The following CHD7 variants were observed in gnomAD, a reference collection of about 807,000 sequenced individuals.
CHD7 encodes the protein chromodomain helicase DNA binding protein 7, also known as ATP-dependent chromatin remodeler CHD7.
Under a neutral mutation model 307.3 loss-of-function variants are expected in CHD7, and 24 were observed. That is an observed-to-expected ratio of 0.08 (90% CI 0.06 to 0.11). The LOEUF is 0.11. Ranked by LOEUF, CHD7 falls within the 10% of genes least tolerant of loss-of-function variation. The probability of loss-of-function intolerance (pLI) is 1.00; values close to 1 mark genes in which losing one functional copy is unlikely to be tolerated. For synonymous variants in CHD7, 1,363 were observed against 1,349.9 expected (o/e 1.01, Z -0.21); for missense variants, 3,106 against 3,727.1 (o/e 0.83, Z 4.34).
chr8:60,728,595 G>T (rs998521186), intron 1 of CHD7, among the ~76,000 whole-genome samples: 3 of 152,078 alleles, frequency 2.0e-5, no homozygotes, highest in Non-Finnish European at 4.4e-5. Flanking sequence ...GCGCGATCTC[G>T]GCTCACTGCA....
intron 1 of CHD7, among the ~76,000 whole-genome samples, chr8:60,691,932 T>G (rs1370659650): frequency 1.3e-5 from 2 of 152,216 alleles, no homozygotes; most frequent in South Asian, 2.1e-4. Context: ...AGGGTGCTTG[T>G]TAAAAATGCA....
In CHD7 at chr8:60,702,326, A is replaced by G. The variant is rs951811877; in HGVS notation, c.-175+23244A>G. ...GGGTATATAATCTGGAAAATATAGG[A>G]TATTCTTATTTTAGATGTTCTTTCT... is the stretch of plus-strand genomic sequence containing the variant. On this transcript the variant is annotated intron_variant, in intron 1 of 37. Transcript: ENST00000423902. Among the ~76,000 whole-genome samples, 4 of 152,208 alleles carry G rather than the reference A, an allele frequency of 2.6e-5. No individual in the cohort carries two copies. In the East Asian group the frequency reaches 5.8e-4, roughly 22 times the overall value.
chr8:60,821,366 A>G (rs1804023745), intron 9 of CHD7, among the ~76,000 whole-genome samples: 1 of 152,256 alleles, frequency 6.6e-6, no homozygotes, highest in Middle Eastern at 3.4e-3. Flanking sequence ...GATAATGCCC[A>G]ATAATACTGT....
chr8:60,686,482 A>G (rs1447548029), intron 1 of CHD7, among the ~76,000 whole-genome samples: 2 of 152,076 alleles, frequency 1.3e-5, no homozygotes, highest in Non-Finnish European at 2.9e-5. Context: ...GCCCCTGTGG[A>G]TGTGGCTTTA....
chr8:60,737,105 G>A (rs910103567), intron 1 of CHD7, among the ~76,000 whole-genome samples: 10 of 151,464 alleles, frequency 6.6e-5, no homozygotes, highest in Admixed American at 2.0e-4. Context: ...GGTTTCTTGC[G>A]CACCCGTTGC....
chr8:60,706,534 T>C (rs1807030486), intron 1 of CHD7, among the ~76,000 whole-genome samples: 2 of 152,180 alleles, frequency 1.3e-5, no homozygotes, highest in Admixed American at 1.3e-4. Flanking sequence ...TTACGTATTA[T>C]GAAACTTCTT....
intron 2 of CHD7, among the ~76,000 whole-genome samples, chr8:60,751,091 G>T (rs894115798): frequency 1.3e-5 from 2 of 152,144 alleles, no homozygotes; most frequent in South Asian, 4.1e-4. Context: ...TGTCCTGTGG[G>T]AAAAAATAGC....
rs574850318 is a variant in CHD7 at position 60,813,863 on chromosome 8, C to T, written c.2499-2524C>T. ...GTATTATAAATATAAATATTTACTA[C>T]TTTGCACTGATATGGGTAAGGGATA... is the stretch of plus-strand genomic sequence containing the variant. On this transcript the variant is annotated intron_variant, in intron 7 of 37. Transcript: ENST00000423902. Among the ~76,000 whole-genome samples, 47 of 151,498 alleles carry T rather than the reference C, an allele frequency of 3.1e-4. 1 individual carries two copies. The South Asian group carries it at 9.2e-3, about 29-fold the overall frequency.
intron 2 of CHD7, among the ~76,000 whole-genome samples, chr8:60,743,598 T>G (rs749796048): frequency 1.3e-5 from 2 of 152,226 alleles, no homozygotes; most frequent in Non-Finnish European, 2.9e-5. Flanking sequence ...CTGTTGACTT[T>G]GTTAGTGTGA....
Position 60,856,783 on chromosome 8 carries a change from C to G in CHD7, c.7503C>G (p.Ser2501=), listed in dbSNP as rs1805737676. 2 of 1,611,884 alleles carry G rather than the reference C, an allele frequency of 1.2e-6. No homozygotes were observed. Among genetic ancestry groups the G allele is most frequent in the Admixed American group, 1.7e-5 (1 of 59,854 alleles). The change falls in exon 34 of 38, where the codon TCC becomes TCG. Residue 2501 remains serine (S), a synonymous_variant. Coordinates refer to ENST00000423902, the MANE Select transcript of CHD7 (RefSeq NM_017780.4). ...RTPTRHLLNG[S]LVDGEPPMKR... ...CCACAAGGCATCTCCTTAATGGCTC[C>G]CTAGTGGATGGAGAGCCTCCCATGA... is the stretch of plus-strand genomic sequence containing the variant.
At chr8:60,686,265 A>G (rs1805883156) in intron 1 of CHD7, among the ~76,000 whole-genome samples, 1 of 152,176 alleles carries the variant, frequency 6.6e-6, no homozygotes, top group Admixed American at 6.5e-5. Flanking sequence ...TTGGTGCACT[A>G]ACTTCAGCTT....
At chr8:60,680,270 G>T (rs548232420) in intron 1 of CHD7, among the ~76,000 whole-genome samples, 24 of 150,962 alleles carry the variant, frequency 1.6e-4, no homozygotes, top group Non-Finnish European at 1.6e-4. Context: ...GGGCGGTGGG[G>T]GACGCGTTGT....
At chr8:60,762,748 C>A (rs139184325) in intron 2 of CHD7, among the ~76,000 whole-genome samples, 1 of 152,160 alleles carries the variant, frequency 6.6e-6, no homozygotes, top group Non-Finnish European at 1.5e-5. Context: ...GGGTTCCTGT[C>A]CCTCATTTTC....
At chr8:60,774,064 G>A (rs1385773569) in intron 2 of CHD7, among the ~76,000 whole-genome samples, 1 of 152,124 alleles carries the variant, frequency 6.6e-6, no homozygotes, top group African/African-American at 2.4e-5. Flanking sequence ...TACTCCCTAG[G>A]CTTGTGCTGT....
At chr8:60,858,067 C>G (rs1484058539) in intron 34 of CHD7, among the ~76,000 whole-genome samples, 1 of 152,162 alleles carries the variant, frequency 6.6e-6, no homozygotes, top group Non-Finnish European at 1.5e-5. Flanking sequence ...ACCAGCCTGG[C>G]CAACATGGCA....
At chr8:60,689,315 A>G (rs554901623) in intron 1 of CHD7, among the ~76,000 whole-genome samples, 3 of 152,362 alleles carry the variant, frequency 2.0e-5, no homozygotes, top group African/African-American at 4.8e-5. Flanking sequence ...GTCAGTAGCT[A>G]ACATTTATGG....
At chr8:60,828,915 C>A in intron 14 of CHD7, 109 bp downstream of exon 14, 1 of 976,242 alleles carries the variant, frequency 1.0e-6, no homozygotes, top group Non-Finnish European at 1.5e-6. Flanking sequence ...GTTTTTCCCA[C>A]CTAGTACACA....
At chr8:60,793,085 G>A (rs1811849509) in intron 3 of CHD7, among the ~76,000 whole-genome samples, 2 of 152,252 alleles carry the variant, frequency 1.3e-5, no homozygotes, top group South Asian at 4.1e-4. Context: ...CTCTTGGCGT[G>A]CAGATGAAAG....
At chr8:60,829,678 G>A (rs1382673396) in intron 14 of CHD7, among the ~76,000 whole-genome samples, 1 of 152,176 alleles carries the variant, frequency 6.6e-6, no homozygotes, top group African/African-American at 2.4e-5. Flanking sequence ...GTTATAATTT[G>A]TGTGCTGTAT....
Sources: gnomAD v4.1 joint callset for allele counts (sites outside exome capture counted in the v4.1 genomes callset) on GRCh38, gnomAD v4.1.1 for gene constraint, MANE v1.5 for transcripts, NCBI Gene and HGNC (gene_info 2026-07-23, HGNC 2026-07-21) for gene names.